The following MEF2A variants were observed in gnomAD, a reference collection of about 807,000 sequenced individuals.
MEF2A encodes the protein myocyte-specific enhancer factor 2A.
Under a neutral mutation model 55.8 loss-of-function variants are expected in MEF2A, and 28 were observed. That is an observed-to-expected ratio of 0.50 (90% CI 0.37 to 0.69). The LOEUF is 0.69. Among genes scored for constraint, MEF2A ranks in the 30% least tolerant of loss-of-function variants. The pLI is 0.00. For missense variants in MEF2A, 528 were observed against 626.2 expected (o/e 0.84, Z 1.67); for synonymous variants, 239 against 227.1 (o/e 1.05, Z -0.47).
chr15:99,641,172 A>G (rs2044850331), intron 3 of MEF2A, among the ~76,000 whole-genome samples: 1 of 152,166 alleles, frequency 6.6e-6, no homozygotes, highest in African/African-American at 2.4e-5. Flanking sequence ...AAGATATTTC[A>G]TCTACCTGGC....
chr15:99,640,086 T>C (rs542374921), intron 3 of MEF2A, among the ~76,000 whole-genome samples: 41 of 152,352 alleles, frequency 2.7e-4, no homozygotes, highest in Middle Eastern at 3.4e-3. Context: ...AAATCAAGAT[T>C]GGTTTTTTTA....
intron 9 of MEF2A, 152 bp from the exon 10 acceptor site, chr15:99,706,577 T>C (rs2058063780): frequency 1.4e-6 from 1 of 728,758 alleles, no homozygotes; most frequent in African/African-American, 1.7e-5. Context: ...ATTTAGTTAT[T>C]CTCACTAGTA....
intron 8 of MEF2A, among the ~76,000 whole-genome samples, chr15:99,696,455 A>G (rs902008174): frequency 1.3e-5 from 2 of 152,200 alleles, no homozygotes; most frequent in African/African-American, 4.8e-5. Flanking sequence ...GAAAGGTAGT[A>G]GGAAAATGGC....
At chr15:99,629,555 A>G (rs201231828) in intron 2 of MEF2A, among the ~76,000 whole-genome samples, 456 of 135,378 alleles carry the variant, frequency 3.4e-3, no homozygotes, top group South Asian at 8.5e-3. Flanking sequence ...AATGAGCTAG[A>G]AAGTTAGTCC....
At chr15:99,707,727 A>G (rs531397836) in intron 10 of MEF2A, among the ~76,000 whole-genome samples, 2 of 152,322 alleles carry the variant, frequency 1.3e-5, no homozygotes, top group South Asian at 2.1e-4. Context: ...AGAGACTGCA[A>G]TGCAGAGAAG....
chr15:99,671,670 G>A (rs1482430741), intron 5 of MEF2A: 7 of 1,558,034 alleles, frequency 4.5e-6, no homozygotes, highest in African/African-American at 1.4e-5. Context: ...GAGTACTAAA[G>A]TATGGTTTGT....
chr15:99,623,131 TACTTCATACC>T (rs2041508430), intron 2 of MEF2A, among the ~76,000 whole-genome samples: 1 of 152,212 alleles, frequency 6.6e-6, no homozygotes, highest in Admixed American at 6.5e-5. Context: ...CTACTTTACG[TACTTCATACC>T]AATGGACTCA....
intron 1 of MEF2A, among the ~76,000 whole-genome samples, chr15:99,598,081 A>G (rs1192341483): frequency 6.6e-6 from 1 of 152,246 alleles, no homozygotes; most frequent in East Asian, 1.9e-4. Flanking sequence ...AGTAAGTTCA[A>G]TAGGCTATAC....
intron 2 of MEF2A, among the ~76,000 whole-genome samples, chr15:99,628,469 A>C (rs1425731877): frequency 6.6e-6 from 1 of 152,060 alleles, no homozygotes; most frequent in African/African-American, 2.4e-5. Flanking sequence ...TAAATCTGTC[A>C]TCTCTGTTTG....
chr15:99,660,029 A>C (rs2048364498), intron 4 of MEF2A, among the ~76,000 whole-genome samples: 1 of 152,212 alleles, frequency 6.6e-6, no homozygotes, highest in Admixed American at 6.5e-5. Context: ...AATAGTAAAA[A>C]CAAAGAGCTT....
chr15:99,661,388 A>G (rs1343912097), intron 4 of MEF2A, among the ~76,000 whole-genome samples: 1 of 151,778 alleles, frequency 6.6e-6, no homozygotes, highest in Non-Finnish European at 1.5e-5. Flanking sequence ...GACTCCGTTT[A>G]AGAACTCTGC....
chr15:99,597,521 C>T (rs201123303), intron 1 of MEF2A, among the ~76,000 whole-genome samples: 2 of 146,608 alleles, frequency 1.4e-5, no homozygotes, highest in Non-Finnish European at 3.0e-5. Context: ...TCCTGTGGTC[C>T]TGTGATCTCG....
chr15:99,612,348 C>T (rs2039415819), intron 2 of MEF2A, among the ~76,000 whole-genome samples: 1 of 146,554 alleles, frequency 6.8e-6, no homozygotes, highest in Non-Finnish European at 1.5e-5. Context: ...ACCCGGGAGG[C>T]GGAGCTTGCA....
intron 1 of MEF2A, among the ~76,000 whole-genome samples, chr15:99,569,828 T>C (rs147056249): frequency 6.6e-6 from 1 of 152,178 alleles, no homozygotes; most frequent in African/African-American, 2.4e-5. Flanking sequence ...TAAAATACTT[T>C]GATTTGGTGT....
intron 1 of MEF2A, among the ~76,000 whole-genome samples, chr15:99,584,414 A>G (rs1042365630): frequency 5.9e-5 from 9 of 152,350 alleles, no homozygotes; most frequent in African/African-American, 2.2e-4. Context: ...TAATAGGTAA[A>G]AAGTTGAAAT....
At chr15:99,658,119 CTT>C (rs2048044998) in intron 4 of MEF2A, among the ~76,000 whole-genome samples, 1 of 152,046 alleles carries the variant, frequency 6.6e-6, no homozygotes, top group African/African-American at 2.4e-5. Context: ...GAAAATAGCT[CTT>C]ATATATTTCA....
chr15:99,618,604 C>T (rs973884008), intron 2 of MEF2A, among the ~76,000 whole-genome samples: 1 of 151,880 alleles, frequency 6.6e-6, no homozygotes, highest in Non-Finnish European at 1.5e-5. Flanking sequence ...GTGTAAAGGG[C>T]GTGATATATG....
intron 1 of MEF2A, among the ~76,000 whole-genome samples, chr15:99,568,596 C>G (rs73480457): frequency 2.0e-4 from 31 of 152,272 alleles, no homozygotes; most frequent in African/African-American, 7.5e-4. Flanking sequence ...TTGAAATAGT[C>G]TAGCTAAATC....
intron 2 of MEF2A, among the ~76,000 whole-genome samples, chr15:99,604,639 C>T (rs180808332): frequency 7.6e-4 from 113 of 149,242 alleles, no homozygotes; most frequent in Middle Eastern, 3.6e-3. Context: ...CATTTTTTTG[C>T]CTCTTCTCAT....
Sources: allele counts gnomAD v4.1 joint callset (sites outside exome capture counted in the v4.1 genomes callset), GRCh38; gene constraint gnomAD v4.1.1; transcripts MANE v1.5; gene names NCBI Gene and HGNC (gene_info 2026-07-23, HGNC 2026-07-21).